The following L1CAM variants were observed in gnomAD, a reference collection of about 807,000 sequenced individuals.
L1CAM encodes neural cell adhesion molecule L1.
A neutral mutation model predicts 93.0 loss-of-function variants in L1CAM; 8 were observed. The observed-to-expected ratio is 0.09, with a 90% CI of 0.05 to 0.16. The LOEUF (loss-of-function observed/expected upper bound fraction) is 0.16, where lower values mean the gene tolerates loss of function less well. L1CAM is among the 10% of genes least tolerant of loss of function. The pLI is 1.00. For missense variants in L1CAM, 777 were observed against 1,073.4 expected (o/e 0.72, Z 3.86); for synonymous variants, 453 against 453.0 (o/e 1.00, Z 0.00).
At chrX:153,866,535 G>A (rs2064714849) in intron 19 of L1CAM, 114 bp downstream of exon 19, 1 of 530,778 alleles carries the variant, frequency 1.9e-6, no homozygotes, top group African/African-American at 2.3e-5. Flanking sequence ...GGTTATGTAA[G>A]AGAATATCCT....
intron 5 of L1CAM, 87 bp downstream of exon 5, chrX:153,872,065 G>C: frequency 2.4e-6 from 2 of 835,469 alleles, no homozygotes; most frequent in Non-Finnish European, 3.5e-6. Context: ...CCCTCGCCAC[G>C]AGACAACTGG....
At chrX:153,880,673 G>A (rs1470941644) in intron 1 of L1CAM, 2 of 339,021 alleles carry the variant, frequency 5.9e-6, no homozygotes, top group Non-Finnish European at 5.9e-6. Context: ...CGCTCCCCAG[G>A]CCGTGGCTGG....
Position 153,867,477 on chromosome X carries a change from C to T in L1CAM, c.2016G>A (p.Gln672=), listed in dbSNP as rs1351121756. The T allele has an allele frequency of 1.7e-6, 2 of 1,208,434 alleles. No homozygotes were observed. Among genetic ancestry groups the T allele is most frequent in the South Asian group, 1.8e-5 (1 of 56,821 alleles). The change falls in exon 17 of 29, where the codon CAG becomes CAA. Residue 672 remains glutamine (Q), a synonymous_variant. Transcript: ENST00000370060. The stretch of plus-strand genomic sequence containing the variant: ...GCGACAGCTTGAGGGTGGTAGAGGT[C>T]TGGTTCCCTGGAACCTTGCCCAGAC... ...WYSLGKVPGN[Q]TSTTLKLSPY... is the part of the protein sequence containing the mutation.
intron 17 of L1CAM, 56 bp from the exon 18 acceptor site, chrX:153,867,180 G>A (rs1463363476): frequency 1.8e-6 from 2 of 1,083,181 alleles, no homozygotes; most frequent in Non-Finnish European, 2.6e-6. Context: ...AGAGCCACGA[G>A]GACCGAGGGC....
At chrX:153,880,658 C>A in intron 1 of L1CAM, 1 of 341,646 alleles carries the variant, frequency 2.9e-6, no homozygotes, top group Non-Finnish European at 5.9e-6. Flanking sequence ...TGGCCCTCCC[C>A]GCCCCGCTCC....
intron 2 of L1CAM, among the ~76,000 whole-genome samples, chrX:153,873,638 G>C (rs1341765931): frequency 8.9e-6 from 1 of 112,550 alleles, no homozygotes; most frequent in Non-Finnish European, 1.9e-5. Context: ...CATTCAGGAT[G>C]CCTTGGAAGG....
intron 1 of L1CAM, among the ~76,000 whole-genome samples, chrX:153,877,425 G>C (rs1269089853): frequency 4.8e-5 from 5 of 103,657 alleles, no homozygotes; most frequent in African/African-American, 1.8e-4. Context: ...TTGCGCCATT[G>C]TACTCCAGCC....
intron 4 of L1CAM, 109 bp from the exon 5 acceptor site, chrX:153,872,463 G>T: frequency 1.1e-6 from 1 of 944,765 alleles, no homozygotes; most frequent in Non-Finnish European, 1.5e-6. Context: ...GATGGACTGG[G>T]AGATGGCGAG....
chrX:153,882,268 T>G (rs2064849193), intron 1 of L1CAM, among the ~76,000 whole-genome samples: 1 of 110,685 alleles, frequency 9.0e-6, no homozygotes, highest in African/African-American at 3.3e-5. Flanking sequence ...CAGACGCAGA[T>G]GGCTGGGAGA....
rs782104287 is a variant in L1CAM, at chrX:153,864,955, C to T, written c.2912G>A (p.Arg971Gln). 2 of 1,212,241 alleles carry T rather than the reference C, an allele frequency of 1.6e-6. No individual in the cohort carries two copies. The highest frequency in any genetic ancestry group is 2.2e-6 in the Non-Finnish European group (2 of 895,595). ...GTTGTGTGTCCGAAGTTCGGGGTCC[C>T]GAAGGTTGAAGGACAGTTGCCCCTT... ...GGKGQLSFNL[R>Q]DPELRTHNLT... Residue 971 changes from arginine to glutamine, a missense_variant, in exon 23 of 29, where the codon CGG (arginine) becomes CAG (glutamine). This residue lies in a region of L1CAM where 71 missense variants were observed against 77.4 expected (regional missense o/e 0.92). Transcript: ENST00000370060.
chrX:153,869,021 C>T, intron 11 of L1CAM, 69 bp from the exon 12 acceptor site: 2 of 897,828 alleles, frequency 2.2e-6, no homozygotes, highest in Non-Finnish European at 3.3e-6. Context: ...AGCCAGGGAC[C>T]CTCTGCACGG....
In L1CAM at chrX:153,865,011, G is replaced by C. The variant is rs782505404; in HGVS notation, c.2873-17C>G. 1 of 1,211,009 alleles carries C rather than the reference G, an allele frequency of 8.3e-7. No individual in the cohort carries two copies. Among genetic ancestry groups the C allele is most frequent in the Admixed American group, 2.2e-5 (1 of 46,015 alleles). On this transcript the variant is annotated splice_polypyrimidine_tract_variant and intron_variant, in intron 22 of 28. Transcript: ENST00000370060. ...CCTCATCCACTGTGGGGACAGACAG[G>C]GGTTGGCTGTGGCTGCAGCTCTGCC...
intron 2 of L1CAM, among the ~76,000 whole-genome samples, chrX:153,874,197 G>A (rs1375871882): frequency 8.9e-6 from 1 of 112,846 alleles, no homozygotes; most frequent in East Asian, 2.8e-4. Context: ...CCGGCTGCCT[G>A]CCACTGCCCA....
At chrX:153,866,113 G>C (rs982038207) in intron 19 of L1CAM, among the ~76,000 whole-genome samples, 2 of 111,003 alleles carry the variant, frequency 1.8e-5, no homozygotes, top group African/African-American at 3.3e-5. Context: ...TCTGGAGTTC[G>C]AGACCAACCT....
intron 25 of L1CAM, 127 bp from the exon 26 acceptor site, chrX:153,864,144 A>G: frequency 9.4e-7 from 1 of 1,063,952 alleles, no homozygotes; most frequent in African/African-American, 1.8e-5. Context: ...GGAAAAGGGC[A>G]TCTGCGGAAA....
intron 1 of L1CAM, among the ~76,000 whole-genome samples, chrX:153,882,809 AGTGGCTGGGCACTCCCT>A (rs1363020392): frequency 1.8e-5 from 2 of 111,834 alleles, no homozygotes; most frequent in Non-Finnish European, 3.8e-5. Context: ...GCTGACTGAC[AGTGGCTGGGCACTCCCT>A]CTGCAGCTTT....
chrX:153,867,893 G>T lies in L1CAM; in HGVS notation c.1846C>A (p.Pro616Thr). 8.3e-7 allele frequency: 1 copy of T among 1,210,630 alleles called. No homozygotes were observed. Among genetic ancestry groups the T allele is most frequent in the Non-Finnish European group, 1.1e-6 (1 of 895,100 alleles). Residue 616 changes from proline (P) to threonine (T), a missense_variant, in exon 16 of 29, where the codon CCA becomes ACA. Transcript: ENST00000370060. Reference sequence around the variant, plus strand: ...TGCAGGTCGGACAGCACCAGCCGTGGCACCGGCCCAGGGCTCCCTGAGGGT... The same window carrying T: ...TGCAGGTCGGACAGCACCAGCCGTGTCACCGGCCCAGGGCTCCCTGAGGGT... ...LLVVGSPGPVPRLVLSDLHLL... is the reference protein window; with the variant it reads ...LLVVGSPGPVTRLVLSDLHLL...
Position 153,869,939 on chromosome X carries a change from G to C in L1CAM, c.992-5C>G, listed in dbSNP as rs781960979. ...TGTGCAGCCAGTACGGGGCAGCTGG[G>C]AGGAAGGGGAGAGCCGCCCTGAGCC... On this transcript the variant is annotated splice_polypyrimidine_tract_variant and splice_region_variant and intron_variant, in intron 9 of 28. Transcript: ENST00000370060. The C allele has an allele frequency of 4.1e-6, 5 of 1,209,469 alleles. No individual in the cohort carries two copies. The South Asian group carries it at 8.8e-5, about 21-fold the overall frequency.
rs782031334 is a variant in L1CAM, at chrX:153,880,197, G to T, written c.-108-4253C>A. The T allele has an allele frequency of 4.2e-5, 5 of 118,384 alleles. No homozygotes were observed. The South Asian group carries it at 1.5e-3, about 36-fold the overall frequency. The allele number at this position is 118,384 out of a possible 1,213,427, so 9.8% of individuals were successfully genotyped here. ...CAGCTTGCCAGGGAGGGACCTGGGA[G>T]GTTGTGGAGCCTGGCTAGACCTGGA... On this transcript the variant is annotated intron_variant, in intron 1 of 28. Coordinates refer to ENST00000370060, the MANE Select transcript of L1CAM (RefSeq NM_001278116.2).
Sources: allele counts gnomAD v4.1 joint callset (sites outside exome capture counted in the v4.1 genomes callset), GRCh38; gene constraint gnomAD v4.1.1; regional missense constraint gnomAD v4.1.1; transcripts MANE v1.5; gene names NCBI Gene and HGNC (gene_info 2026-07-23, HGNC 2026-07-21).